Variants in SOX5 observed in about 807,000 individuals in gnomAD.
SOX5 encodes the protein SRY-box transcription factor 5.
SOX5 carries 9 observed loss-of-function variants against 92.0 expected under a neutral mutation model. That is an observed-to-expected ratio of 0.10 (90% CI 0.06 to 0.17). The LOEUF (loss-of-function observed/expected upper bound fraction) is 0.17. SOX5 is among the 10% of genes least tolerant of loss of function. The pLI is 1.00. For synonymous variants in SOX5, 344 were observed against 336.3 expected (o/e 1.02, Z -0.25); for missense variants, 642 against 944.5 (o/e 0.68, Z 4.20).
chr12:23,895,944 T>C lies in SOX5; in HGVS notation c.119A>G (p.Glu40Gly). The change falls in exon 2 of 15, where the codon GAA becomes GGA. Residue 40 changes from glutamate (E) to glycine (G), a missense_variant. By Grantham distance (98) the Glu-to-Gly change is moderately conservative. This residue lies in a region of SOX5 where 113 missense variants were observed against 117.7 expected (regional missense o/e 0.96). Coordinates refer to ENST00000451604, the MANE Select transcript of SOX5 (RefSeq NM_006940.6). ...TGGGAGCCCGTCACTCTCCTCTTCT[T>C]CCACTTTCTGTCTGCTTGTCACCAT... ...VAMVTSRQKV[E>G]EEESDGLPAF... The C allele has an allele frequency of 6.2e-7, 1 of 1,614,118 alleles. No individual in the cohort carries two copies. The highest frequency in any genetic ancestry group is 8.5e-7 in the Non-Finnish European group (1 of 1,179,974).
intron 2 of SOX5, among the ~76,000 whole-genome samples, chr12:24,345,493 G>A (rs1399334018): frequency 1.3e-5 from 2 of 152,080 alleles, no homozygotes; most frequent in Non-Finnish European, 2.9e-5. Flanking sequence ...TGTTTCAGAT[G>A]GATCTTCCAA....
At chr12:24,038,255 T>C (rs1956226398) in intron 4 of SOX5, among the ~76,000 whole-genome samples, 1 of 152,190 alleles carries the variant, frequency 6.6e-6, no homozygotes, top group Non-Finnish European at 1.5e-5. Context: ...CAGGAAGCTC[T>C]GTCAGTGGCA....
At chr12:23,976,439 T>TA (rs1948925554) in intron 4 of SOX5, among the ~76,000 whole-genome samples, 1 of 104,300 alleles carries the variant, frequency 9.6e-6, no homozygotes, top group Non-Finnish European at 2.0e-5. Context: ...AGAAGGAAGG[T>TA]AAACAGGATG....
chr12:24,508,587 A>G (rs1949020177), intron 1 of SOX5, among the ~76,000 whole-genome samples: 1 of 152,206 alleles, frequency 6.6e-6, no homozygotes, highest in Non-Finnish European at 1.5e-5. Flanking sequence ...GTCACAACAG[A>G]GCTATAGACT....
intron 3 of SOX5, among the ~76,000 whole-genome samples, chr12:23,765,751 C>A (rs2094705118): frequency 6.6e-6 from 1 of 152,096 alleles, no homozygotes; most frequent in East Asian, 1.9e-4. Context: ...ATGGATACTG[C>A]CATCTTCTTT....
chr12:24,293,719 T>C (rs948178438), intron 2 of SOX5, among the ~76,000 whole-genome samples: 1 of 152,246 alleles, frequency 6.6e-6, no homozygotes, highest in African/African-American at 2.4e-5. Flanking sequence ...TTTCCATTTT[T>C]GTTATCACTT....
chr12:24,132,166 C>G (rs1229584439), intron 4 of SOX5, among the ~76,000 whole-genome samples: 1 of 141,576 alleles, frequency 7.1e-6, no homozygotes, highest in Admixed American at 6.9e-5. Context: ...GCCAAGTAGT[C>G]TGCTATGGGT....
At chr12:24,337,310 A>G (rs1169501542) in intron 2 of SOX5, among the ~76,000 whole-genome samples, 1 of 150,158 alleles carries the variant, frequency 6.7e-6, no homozygotes, top group Non-Finnish European at 1.5e-5. Context: ...AATCTAGTTT[A>G]TTGGCATTAC....
intron 3 of SOX5, among the ~76,000 whole-genome samples, chr12:23,770,367 A>C (rs1013497386): frequency 6.6e-6 from 1 of 152,182 alleles, no homozygotes; most frequent in Non-Finnish European, 1.5e-5. Context: ...TGAGCCAAAA[A>C]GGACTGTAGC....
At chr12:24,463,912 A>C (rs1943927033) in intron 1 of SOX5, among the ~76,000 whole-genome samples, 1 of 152,192 alleles carries the variant, frequency 6.6e-6, no homozygotes, top group African/African-American at 2.4e-5. Flanking sequence ...CACTCCACTG[A>C]AATTGAAGAC....
At chr12:23,704,309 T>C (rs962976020) in intron 6 of SOX5, among the ~76,000 whole-genome samples, 2 of 151,890 alleles carry the variant, frequency 1.3e-5, no homozygotes, top group Non-Finnish European at 2.9e-5. Flanking sequence ...CATATCTTGT[T>C]TAACCCGAAT....
intron 3 of SOX5, among the ~76,000 whole-genome samples, chr12:24,251,902 T>C (rs1478986466): frequency 6.6e-6 from 1 of 151,306 alleles, no homozygotes; most frequent in Non-Finnish European, 1.5e-5. Flanking sequence ...AATAAGACAG[T>C]ATATTTTATC....
At position 23,887,908 on chromosome 12, in the gene SOX5, A is replaced by AGTGTGTGTGTGTGT. The variant is rs1169542903; in HGVS notation, c.270+7884_270+7885insACACACACACACAC. Among the ~76,000 whole-genome samples, 511 of 105,934 alleles carry AGTGTGTGTGTGTGT rather than the reference A, an allele frequency of 4.8e-3. 5 individuals are homozygous for AGTGTGTGTGTGTGT. Among genetic ancestry groups the AGTGTGTGTGTGTGT allele is most frequent in the East Asian group, 0.048 (136 of 2,862 alleles). 69.5% of individuals were successfully genotyped at this position (105,934 alleles called of 152,430 possible). ...ACCTTGAATTGATGGTAATTGGTCC[A>AGTGTGTGTGTGTGT]GTGTGTATATGTGTGTGTGTGTGTG... is the stretch of plus-strand genomic sequence containing the variant. On this transcript the variant is annotated intron_variant, in intron 2 of 14. Coordinates refer to ENST00000451604, the MANE Select transcript of SOX5 (RefSeq NM_006940.6).
chr12:24,470,348 G>A (rs1944674971), intron 1 of SOX5, among the ~76,000 whole-genome samples: 2 of 152,114 alleles, frequency 1.3e-5, no homozygotes, highest in Admixed American at 6.6e-5. Context: ...TCCACAATAA[G>A]GGAGGTAACT....
At chr12:23,872,098 C>T (rs1218222230) in intron 2 of SOX5, among the ~76,000 whole-genome samples, 6 of 149,692 alleles carry the variant, frequency 4.0e-5, no homozygotes, top group Non-Finnish European at 7.4e-5. Context: ...CCCGGGTTCA[C>T]GCCATTCTCC....
chr12:23,534,871 G>A (rs1303976624), intron 14 of SOX5, among the ~76,000 whole-genome samples: 7 of 151,822 alleles, frequency 4.6e-5, no homozygotes, highest in Admixed American at 2.0e-4. Flanking sequence ...CACCACACCT[G>A]GCTAGCTTTT....
At chr12:24,390,583 C>T (rs1344009117) in intron 1 of SOX5, among the ~76,000 whole-genome samples, 1 of 152,156 alleles carries the variant, frequency 6.6e-6, no homozygotes, top group Non-Finnish European at 1.5e-5. Context: ...ACCCCGCACC[C>T]TTCCAAGTTT....
intron 4 of SOX5, among the ~76,000 whole-genome samples, chr12:24,205,574 G>A (rs1325791687): frequency 2.0e-5 from 3 of 152,188 alleles, no homozygotes; most frequent in African/African-American, 4.8e-5. Flanking sequence ...GAGCAGCAGA[G>A]AGAAATAGGA....
At chr12:23,792,484 G>A (rs1041841208) in intron 3 of SOX5, among the ~76,000 whole-genome samples, 2 of 151,540 alleles carry the variant, frequency 1.3e-5, no homozygotes, top group South Asian at 2.1e-4. Context: ...TTAGCTGGGT[G>A]TGGTGGTGCA....
Sources: allele counts gnomAD v4.1 joint callset (sites outside exome capture counted in the v4.1 genomes callset), GRCh38; gene constraint gnomAD v4.1.1; regional missense constraint gnomAD v4.1.1; transcripts MANE v1.5; gene names NCBI Gene and HGNC (gene_info 2026-07-23, HGNC 2026-07-21).